COG5: variants seen among roughly 807,000 people sequenced by gnomAD.
COG5 encodes component of oligomeric golgi complex 5, also known as conserved oligomeric Golgi complex subunit 5.
Under a neutral mutation model 110.4 loss-of-function variants are expected in COG5, and 86 were observed. The observed-to-expected ratio is 0.78, with a 90% CI of 0.65 to 0.93. The LOEUF is 0.93. Among genes scored for constraint, COG5 ranks in the 40% least tolerant of loss-of-function variants. COG5 has a pLI of 0.00. For synonymous variants in COG5, 360 were observed against 334.6 expected (o/e 1.08, Z -0.83); for missense variants, 1,077 against 987.0 (o/e 1.09, Z -1.22).
intron 6 of COG5, among the ~76,000 whole-genome samples, chr7:107,479,772 A>C (rs1474749087): frequency 6.6e-6 from 1 of 152,204 alleles, no homozygotes; most frequent in Non-Finnish European, 1.5e-5. Context: ...AGTTATTAGA[A>C]GCTATTCAGA....
At chr7:107,284,040 T>G (rs1245984748) in intron 12 of COG5, among the ~76,000 whole-genome samples, 1 of 151,670 alleles carries the variant, frequency 6.6e-6, no homozygotes, top group Non-Finnish European at 1.5e-5. Context: ...TTCTCCTGCC[T>G]CAGCCTCCCA....
At chr7:107,395,477 G>A (rs930604938) in intron 7 of COG5, among the ~76,000 whole-genome samples, 3 of 147,542 alleles carry the variant, frequency 2.0e-5, no homozygotes, top group African/African-American at 5.0e-5. Flanking sequence ...ACTAAAAAGC[G>A]ATACAGCTTT....
chr7:107,438,059 T>C (rs1794472334), intron 6 of COG5, among the ~76,000 whole-genome samples: 1 of 152,136 alleles, frequency 6.6e-6, no homozygotes, highest in Admixed American at 6.6e-5. Context: ...ATTCAACGCC[T>C]GAAGATAAAG....
At chr7:107,552,603 C>CT (rs956681858) in intron 3 of COG5, among the ~76,000 whole-genome samples, 57 of 152,174 alleles carry the variant, frequency 3.7e-4, no homozygotes, top group African/African-American at 1.3e-3. Context: ...TTCAGAATGA[C>CT]TATTATTAAA....
At chr7:107,373,333 T>G (rs1044934334) in intron 7 of COG5, among the ~76,000 whole-genome samples, 1 of 152,060 alleles carries the variant, frequency 6.6e-6, no homozygotes, top group East Asian at 1.9e-4. Context: ...TATTGAGAAA[T>G]GTACAAAACA....
chr7:107,233,539 ATC>A (rs1228100062), intron 18 of COG5, among the ~76,000 whole-genome samples: 2 of 152,300 alleles, frequency 1.3e-5, no homozygotes, highest in African/African-American at 4.8e-5. Context: ...ATACGTCATT[ATC>A]TCTCTTTGCA....
At position 107,563,546 on chromosome 7, in the gene COG5, G is replaced by GGC. The variant is rs1554466279; in HGVS notation, c.94+256_94+257insGC. 12 of 187,670 alleles carry GGC rather than the reference G, an allele frequency of 6.4e-5. No homozygotes were observed. The Admixed American group carries it at 6.7e-4, about 11-fold the overall frequency. The allele number at this position is 187,670 out of a possible 1,614,324, so 11.6% of individuals were successfully genotyped here. A position where few individuals can be genotyped will look rare whatever the true frequency, so the allele number is the denominator to read the frequency against. The stretch of plus-strand genomic sequence containing the variant: ...AAACTTCAGGGAAGCTGGAGGCATG[G>GGC]GGGGGGGGGGGGTCGAGTTGAAATG... On this transcript the variant is annotated intron_variant, in intron 1 of 21. Transcript: ENST00000297135.
chr7:107,288,907 GATATATATATATATATATATATAT>G (rs60313728), intron 12 of COG5, among the ~76,000 whole-genome samples: 3,629 of 94,124 alleles, frequency 0.039, 126 homozygotes, highest in African/African-American at 0.062. Flanking sequence ...TTCTAACAGA[GATATATATATATATATATATATAT>G]ATATATATAT....
At chr7:107,205,964 T>TTG (rs1554393316) in intron 21 of COG5, among the ~76,000 whole-genome samples, 5 of 151,688 alleles carry the variant, frequency 3.3e-5, no homozygotes, top group African/African-American at 1.2e-4. Context: ...GTTTTTTTTT[T>TTG]TTTTTTATTT....
intron 6 of COG5, among the ~76,000 whole-genome samples, chr7:107,432,957 C>A (rs890307313): frequency 6.6e-6 from 1 of 151,794 alleles, no homozygotes; most frequent in African/African-American, 2.4e-5. Context: ...CAAAAAAAAA[C>A]TGTAAAAATA....
Position 107,560,307 on chromosome 7 carries a change from T to C in COG5, c.95-2192A>G, listed in dbSNP as rs568088872. ...AACCACAGAGGCCAGTAAAGTACTATGTTAACAGCCTAAGACATAATGAAG... is the reference window on the plus strand; with the variant it reads ...AACCACAGAGGCCAGTAAAGTACTACGTTAACAGCCTAAGACATAATGAAG... On this transcript the variant is annotated intron_variant, in intron 1 of 21. Transcript: ENST00000297135. Among the ~76,000 whole-genome samples, 27 of 152,256 alleles carry C rather than the reference T, an allele frequency of 1.8e-4. No homozygotes were observed. In the South Asian group the frequency reaches 5.4e-3, roughly 30 times the overall value.
intron 10 of COG5, among the ~76,000 whole-genome samples, chr7:107,342,367 C>A (rs1811235112): frequency 7.9e-6 from 1 of 126,840 alleles, no homozygotes; most frequent in South Asian, 2.5e-4. Context: ...AACAAACAAA[C>A]CAAAAAAAAA....
In COG5 at chr7:107,351,788, G is replaced by A. The variant is rs958270876; in HGVS notation, c.1026+10245C>T. On this transcript the variant is annotated intron_variant, in intron 10 of 21. Coordinates refer to ENST00000297135, the MANE Select transcript of COG5 (RefSeq NM_006348.5). ...ACCATCTCACACCAGCTAGAATGGC[G>A]ATCATTAAAAAGTCAGGAAACAACA... Among the ~76,000 whole-genome samples the A allele has an allele frequency of 1.7e-4, 25 of 150,064 alleles. No homozygotes were observed. In the East Asian group the frequency reaches 2.0e-3, roughly 12 times the overall value.
intron 3 of COG5, among the ~76,000 whole-genome samples, chr7:107,548,993 T>C (rs920454235): frequency 1.3e-5 from 2 of 152,238 alleles, no homozygotes; most frequent in Non-Finnish European, 1.5e-5. Flanking sequence ...TAGTATTCTA[T>C]TAATATCTAA....
At chr7:107,491,270 T>A (rs1165764128) in intron 6 of COG5, among the ~76,000 whole-genome samples, 1 of 152,146 alleles carries the variant, frequency 6.6e-6, no homozygotes, top group Non-Finnish European at 1.5e-5. Context: ...TTTGCTTCTT[T>A]ATCTTCCAAA....
chr7:107,419,216 C>T (rs556649674), intron 6 of COG5, among the ~76,000 whole-genome samples: 4 of 151,890 alleles, frequency 2.6e-5, no homozygotes, highest in African/African-American at 4.8e-5. Flanking sequence ...TGCACAGAAA[C>T]GCAAATGGCT....
At chr7:107,455,297 A>ACATG (rs1795591951) in intron 6 of COG5, among the ~76,000 whole-genome samples, 1 of 152,224 alleles carries the variant, frequency 6.6e-6, no homozygotes, top group South Asian at 2.1e-4. Context: ...AAACGAAAGG[A>ACATG]CATGCATCTA....
chr7:107,223,589 C>T (rs2116331004), intron 19 of COG5, among the ~76,000 whole-genome samples: 1 of 152,298 alleles, frequency 6.6e-6, no homozygotes, highest in Middle Eastern at 3.4e-3. Context: ...TGAGGCATTT[C>T]AGCAGCAGGA....
At chr7:107,513,460 C>T (rs1401728835) in intron 6 of COG5, among the ~76,000 whole-genome samples, 1 of 152,192 alleles carries the variant, frequency 6.6e-6, no homozygotes, top group East Asian at 1.9e-4. Context: ...GGACTGTAAA[C>T]TAGTTCCACC....
Sources: gnomAD v4.1 joint callset for allele counts (sites outside exome capture counted in the v4.1 genomes callset) on GRCh38, gnomAD v4.1.1 for gene constraint, MANE v1.5 for transcripts, NCBI Gene and HGNC (gene_info 2026-07-23, HGNC 2026-07-21) for gene names.